The following MCM3AP variants were observed in gnomAD, a reference collection of about 807,000 sequenced individuals.
MCM3AP encodes the protein germinal-center associated nuclear protein.
In MCM3AP, 126 loss-of-function variants were observed where a neutral mutation model predicts 184.1. That is an observed-to-expected ratio of 0.68 (90% confidence interval 0.59 to 0.79). The LOEUF (loss-of-function observed/expected upper bound fraction) is 0.79, where lower values mean the gene tolerates loss of function less well. Among genes scored for constraint, MCM3AP ranks in the 30% least tolerant of loss-of-function variants. The pLI is 0.00. For synonymous variants in MCM3AP, 1,002 were observed against 979.3 expected (o/e 1.02, Z -0.43); for missense variants, 2,496 against 2,479.2 (o/e 1.01, Z -0.14).
In MCM3AP at chr21:46,267,145, G is replaced by C; in HGVS notation, c.2629-3C>G. 1.2e-6 allele frequency: 2 copies of C among 1,612,746 alleles called. No homozygotes were observed. Among genetic ancestry groups the C allele is most frequent in the Non-Finnish European group, 1.7e-6 (2 of 1,179,476 alleles). Reference sequence around the variant, plus strand: ...GCCCGGAGAGCATCCTTGCGGATCTGAGAGGAGGAGCGAAATCACTGCAGT... The same window carrying C: ...GCCCGGAGAGCATCCTTGCGGATCTCAGAGGAGGAGCGAAATCACTGCAGT... On this transcript the variant is annotated splice_polypyrimidine_tract_variant and splice_region_variant and intron_variant, in intron 9 of 27. Coordinates refer to ENST00000291688, the MANE Select transcript of MCM3AP (RefSeq NM_003906.5).
intron 9 of MCM3AP, among the ~76,000 whole-genome samples, chr21:46,269,156 T>C (rs1030376295): frequency 4.6e-5 from 7 of 152,212 alleles, no homozygotes; most frequent in Admixed American, 2.0e-4. Context: ...AGGGCCTCTG[T>C]TGCCCAGGCT....
chr21:46,240,822 TTC>T lies in MCM3AP; in HGVS notation c.5620_5621del (p.Glu1874ArgfsTer6). ...GAAGTGGGCTTCACCTCTTGTTCTC[TTC>T]TTTCTCCAGCAGCAGACTGCTCGAC... ...CLSSSLLLEK[E>X]ENKRFEDQLQ... On this transcript the variant is annotated frameshift_variant, in exon 26 of 28. Coordinates refer to ENST00000291688, the MANE Select transcript of MCM3AP (RefSeq NM_003906.5). LOFTEE classifies it high-confidence loss of function. 6.2e-7 allele frequency: 1 copy of T among 1,614,126 alleles called. No individual in the cohort carries two copies. Among genetic ancestry groups the T allele is most frequent in the Non-Finnish European group, 8.5e-7 (1 of 1,180,012 alleles).
rs79660597 is a variant in MCM3AP at position 46,283,541 on chromosome 21, C to CA, written c.1443+73dup. The CA allele has an allele frequency of 0.16, 106,264 of 677,246 alleles. 731 individuals carry two copies. Among genetic ancestry groups the CA allele is most frequent in the African/African-American group, 0.24 (12,272 of 51,838 alleles). 42.0% of individuals were successfully genotyped at this position (677,246 alleles called of 1,614,324 possible). A position where few individuals can be genotyped will look rare whatever the true frequency, so the allele number is the denominator to read the frequency against. On this transcript the variant is annotated intron_variant, in intron 2 of 27. Transcript: ENST00000291688. ...TATAGTAAGCAAACAACTGAGGGAC[C>CA]AAAAAAAAAAAACAGGTTTTAAAGT...
At chr21:46,262,478 T>C (rs1327247302) in intron 13 of MCM3AP, among the ~76,000 whole-genome samples, 1 of 151,690 alleles carries the variant, frequency 6.6e-6, no homozygotes, top group Non-Finnish European at 1.5e-5. Context: ...AGAGACCCCA[T>C]CTCTACAAAA....
Position 46,280,107 on chromosome 21 carries a change from T to C in MCM3AP, c.1553A>G (p.Glu518Gly). 1 of 1,614,186 alleles carries C rather than the reference T, an allele frequency of 6.2e-7. No homozygotes were observed. The highest frequency in any genetic ancestry group is 1.7e-5 in the Admixed American group (1 of 60,014). Residue 518 changes from glutamate to glycine, a missense_variant, in exon 4 of 28, where the codon GAG (glutamate) becomes GGG (glycine). By Grantham distance (98) the Glu-to-Gly change is moderately conservative. This residue lies in a region of MCM3AP where 800 missense variants were observed against 717.1 expected (regional missense o/e 1.12). Coordinates refer to ENST00000291688, the MANE Select transcript of MCM3AP (RefSeq NM_003906.5). ...GACTTCACCGTCACCTGGTTTCTTCTCCTTCAGGGAAAAGGGTTTCTTATT... is the reference window on the plus strand; with the variant it reads ...GACTTCACCGTCACCTGGTTTCTTCCCCTTCAGGGAAAAGGGTTTCTTATT... ...SPNKKPFSLK[E>G]KKPGDGEVSP...
At chr21:46,238,906 G>C (rs2080597526) in intron 26 of MCM3AP, among the ~76,000 whole-genome samples, 1 of 152,202 alleles carries the variant, frequency 6.6e-6, no homozygotes, top group South Asian at 2.1e-4. Flanking sequence ...TTAGTGAGGA[G>C]AGACAGACAA....
At chr21:46,266,932 A>T in intron 10 of MCM3AP, 50 bp downstream of exon 10, 1 of 1,598,896 alleles carries the variant, frequency 6.3e-7, no homozygotes, top group Non-Finnish European at 8.5e-7. Flanking sequence ...CATCAGAATT[A>T]ACAAGAAAAA....
chr21:46,266,912 C>T, intron 10 of MCM3AP, 70 bp downstream of exon 10: 1 of 1,543,842 alleles, frequency 6.5e-7, no homozygotes, highest in South Asian at 1.2e-5. Context: ...GCCAGCCCTT[C>T]ACAGCCCTTC....
chr21:46,258,804 A>C (rs988088894), intron 16 of MCM3AP, 135 bp downstream of exon 16: 20 of 843,244 alleles, frequency 2.4e-5, no homozygotes, highest in Non-Finnish European at 3.6e-5. Context: ...AGTCTATTTT[A>C]GGTATTCATT....
rs773755111 is a variant in MCM3AP at position 46,246,779 on chromosome 21, A to C, written c.4398T>G (p.Ser1466Arg). Residue 1466 changes from serine to arginine, a missense_variant, in exon 21 of 28, where the codon AGT (serine) becomes AGG (arginine). This residue lies in a region of MCM3AP where 1,323 missense variants were observed against 1,273.4 expected (regional missense o/e 1.04). Transcript: ENST00000291688. ...ACACGTCCTCCTCTGCCATGTCCTC[A>C]CTCTTCATTTTGGGGGGAAGCAGCA... ...LMLLLPPKMK[S>R]EDMAEEDVYW... 27 of 1,613,656 alleles carry C rather than the reference A, an allele frequency of 1.7e-5. No individual in the cohort carries two copies. The African/African-American group carries it at 2.7e-4, about 16-fold the overall frequency.
Position 46,269,092 on chromosome 21 carries a change from A to T in MCM3AP, c.2628+1309T>A, listed in dbSNP as rs146991824. 1.1e-3 allele frequency among the ~76,000 whole-genome samples: 169 copies of T among 152,242 alleles called. 5 individuals are homozygous for T. In the East Asian group the frequency reaches 0.027, roughly 24 times the overall value. On this transcript the variant is annotated intron_variant, in intron 9 of 27. Coordinates refer to ENST00000291688, the MANE Select transcript of MCM3AP (RefSeq NM_003906.5). Reference sequence around the variant, plus strand: ...AATGGTCAACATTCTACTAACGCTCAATCATCGTGTATACAACATTAACTA... The same window carrying T: ...AATGGTCAACATTCTACTAACGCTCTATCATCGTGTATACAACATTAACTA...
chr21:46,250,436 C>T (rs1168513527), intron 20 of MCM3AP: 2 of 152,274 alleles, frequency 1.3e-5, no homozygotes, highest in African/African-American at 2.4e-5. Flanking sequence ...CCTAGCCACT[C>T]ACTTCTGACA....
At chr21:46,278,564 C>A (rs2081283101) in intron 4 of MCM3AP, among the ~76,000 whole-genome samples, 1 of 152,180 alleles carries the variant, frequency 6.6e-6, no homozygotes, top group Admixed American at 6.5e-5. Context: ...GACAAGGTAG[C>A]CAGGGCACTT....
At chr21:46,273,752 C>A (rs1157041564) in intron 6 of MCM3AP, among the ~76,000 whole-genome samples, 167 bp from the exon 7 acceptor site, 1 of 152,192 alleles carries the variant, frequency 6.6e-6, no homozygotes, top group Non-Finnish European at 1.5e-5. Flanking sequence ...AATCAAAATT[C>A]AAAGACAAAT....
In MCM3AP at chr21:46,245,019, A is replaced by T. The variant is rs756991521; in HGVS notation, c.4826T>A (p.Ile1609Asn). 1.1e-5 allele frequency: 17 copies of T among 1,614,158 alleles called. No homozygotes were observed. Among genetic ancestry groups the T allele is most frequent in the Non-Finnish European group, 1.4e-5 (17 of 1,180,008 alleles). Residue 1609 changes from isoleucine to asparagine, a missense_variant, in exon 23 of 28, where the codon ATT (isoleucine) becomes AAT (asparagine). Around this residue, in one of 5 missense-constraint regions of MCM3AP, gnomAD observed 1,323 missense variants for 1,273.4 expected, o/e 1.04. Transcript: ENST00000291688. ...CTGCAGCACACTGTTAAACAGCTCA[A>T]TGATGGCGCCAGGCTCCTGAGAAGC... is the stretch of plus-strand genomic sequence containing the variant. ...GLASQEPGAI[I>N]ELFNSVLQFL...
Position 46,237,962 on chromosome 21 carries a change from T to C in MCM3AP, c.5634-983A>G, listed in dbSNP as rs1827007310. 1.7e-5 allele frequency among the ~76,000 whole-genome samples: 2 copies of C among 114,804 alleles called. 1 individual carries two copies. The highest frequency in any genetic ancestry group is 3.6e-5 in the Non-Finnish European group (2 of 54,932). The allele number at this position is 114,804 out of a possible 152,430, so 75.3% of individuals were successfully genotyped here. A position where few individuals can be genotyped will look rare whatever the true frequency, so the allele number is the denominator to read the frequency against. On this transcript the variant is annotated intron_variant, in intron 26 of 27. Transcript: ENST00000291688. The stretch of plus-strand genomic sequence containing the variant: ...TAAAAATACAAAAATTAGCCAGGCA[T>C]GGTGACACGTGCCTGTAATCCCAGC...
Position 46,258,943 on chromosome 21 carries a change from G to A in MCM3AP, c.3730C>T (p.Gln1244Ter). The change falls in exon 16 of 28, where the codon CAG (glutamine) becomes TAG (stop). Residue 1244 changes from glutamine (Q) to a stop codon, truncating the protein, a stop_gained. Transcript: ENST00000291688. LOFTEE classifies it high-confidence loss of function. ...QELQCFCKYL[Q>*]RWREAVTARK... Reference sequence around the variant, plus strand: ...CTGTAGGAACACAGGACTCACCGCTGTAGATACTTGCAGAAGCACTGAAGC... The same window carrying A: ...CTGTAGGAACACAGGACTCACCGCTATAGATACTTGCAGAAGCACTGAAGC... 6.2e-7 allele frequency: 1 copy of A among 1,614,164 alleles called. No homozygotes were observed. The highest frequency in any genetic ancestry group is 1.1e-5 in the South Asian group (1 of 91,076).
At chr21:46,277,441 A>G in intron 5 of MCM3AP, 86 bp downstream of exon 5, 1 of 1,032,666 alleles carries the variant, frequency 9.7e-7, no homozygotes, top group Non-Finnish European at 1.4e-6. Context: ...AATAGAGCCC[A>G]ATGGAAAGGA....
chr21:46,257,201 G>A (rs993994341), intron 16 of MCM3AP, among the ~76,000 whole-genome samples: 2 of 152,204 alleles, frequency 1.3e-5, no homozygotes, highest in African/African-American at 4.8e-5. Flanking sequence ...CCAGCTGGGT[G>A]CAGTGGCTCA....
Sources: allele counts gnomAD v4.1 joint callset (sites outside exome capture counted in the v4.1 genomes callset), GRCh38; gene constraint gnomAD v4.1.1; regional missense constraint gnomAD v4.1.1; transcripts MANE v1.5; gene names NCBI Gene and HGNC (gene_info 2026-07-23, HGNC 2026-07-21).